Variants in TRAPPC13 observed in about 807,000 individuals in gnomAD.
The protein encoded by TRAPPC13 is REV7-interacting novel NHEJ regulator 1.
TRAPPC13 carries 39 observed loss-of-function variants against 54.0 expected under a neutral mutation model. The ratio of observed to expected loss-of-function variants is 0.72; its 90% confidence interval spans 0.56 to 0.94. TRAPPC13 has a LOEUF of 0.94. TRAPPC13 is among the 40% of genes least tolerant of loss of function. The probability of loss-of-function intolerance (pLI) is 0.00; values close to 1 mark genes in which losing one functional copy is unlikely to be tolerated. For missense variants in TRAPPC13, 386 were observed against 488.1 expected, an observed-to-expected ratio of 0.79 and a Z score of 1.97; for synonymous variants, 148 against 167.7, an observed-to-expected ratio of 0.88 and a Z score of 0.91.
At chr5:65,637,321 T>C (rs1755783927) in intron 3 of TRAPPC13, among the ~76,000 whole-genome samples, 1 of 152,216 alleles carries the variant, frequency 6.6e-6, no homozygotes, top group African/African-American at 2.4e-5. Context: ...TTCTTAGTGA[T>C]TCTCAAACAG....
At chr5:65,656,952 C>A (rs1468217260) in intron 8 of TRAPPC13, among the ~76,000 whole-genome samples, 1 of 152,080 alleles carries the variant, frequency 6.6e-6, no homozygotes, top group African/African-American at 2.4e-5. Flanking sequence ...GTGGCACTGC[C>A]TGTAGTCCCA....
chr5:65,659,275 T>A (rs959284699), intron 9 of TRAPPC13, among the ~76,000 whole-genome samples: 37 of 152,228 alleles, frequency 2.4e-4, no homozygotes, highest in African/African-American at 7.5e-4. Context: ...GACAAATATA[T>A]AACATGTATC....
intron 4 of TRAPPC13, among the ~76,000 whole-genome samples, chr5:65,639,878 G>A (rs1470205019): frequency 6.6e-6 from 1 of 152,218 alleles, no homozygotes; most frequent in Non-Finnish European, 1.5e-5. Context: ...CTCACAGTAT[G>A]TGGGGGAGAG....
intron 5 of TRAPPC13, among the ~76,000 whole-genome samples, chr5:65,650,260 C>T (rs557543121): frequency 8.2e-5 from 12 of 145,912 alleles, no homozygotes; most frequent in Admixed American, 1.4e-4. Context: ...CTCCTGGGTT[C>T]AAGCGATTCT....
intron 3 of TRAPPC13, 66 bp from the exon 4 acceptor site, chr5:65,637,630 C>CAA (rs374091978): frequency 0.02 from 13,412 of 677,886 alleles, 3 homozygotes; most frequent in South Asian, 0.025. Flanking sequence ...GACTCTGTCT[C>CAA]AAAAAAAAAA....
chr5:65,658,307 TG>T, intron 8 of TRAPPC13, 60 bp from the exon 9 acceptor site: 1 of 1,471,036 alleles, frequency 6.8e-7, no homozygotes, highest in Non-Finnish European at 9.1e-7. Context: ...AAGATATTTT[TG>T]TTGAGATAAA....
In TRAPPC13 at chr5:65,665,983, G is replaced by C. The variant is rs528810648; in HGVS notation, c.*1372G>C. 1 of 152,650 alleles carries C rather than the reference G, an allele frequency of 6.6e-6. No homozygotes were observed. Among genetic ancestry groups the C allele is most frequent in the South Asian group, 2.1e-4 (1 of 4,828 alleles). 9.5% of individuals were successfully genotyped at this position (152,650 alleles called of 1,614,324 possible). Reference sequence around the variant, plus strand: ...CATAACAAATTGTTTGGTCCAAAATGAAAGCTATATTCAGAAGGTTTGCAC... The same window carrying C: ...CATAACAAATTGTTTGGTCCAAAATCAAAGCTATATTCAGAAGGTTTGCAC... On this transcript the variant is annotated 3_prime_UTR_variant, in exon 13 of 13. Coordinates refer to ENST00000399438, the MANE Select transcript of TRAPPC13 (RefSeq NM_024941.4).
At chr5:65,660,919 C>A in intron 10 of TRAPPC13, 22 bp downstream of exon 10, 1 of 1,585,808 alleles carries the variant, frequency 6.3e-7, no homozygotes, top group South Asian at 1.2e-5. Context: ...AAAAACTTCG[C>A]TGGGGTTTTG....
intron 4 of TRAPPC13, among the ~76,000 whole-genome samples, chr5:65,645,206 A>T (rs1756138989): frequency 6.6e-6 from 1 of 151,792 alleles, no homozygotes. Context: ...CTCAAAAAAA[A>T]AAAAAAAAGA....
At chr5:65,661,444 TC>T (rs1756849360) in intron 10 of TRAPPC13, 1 of 152,338 alleles carries the variant, frequency 6.6e-6, no homozygotes, top group South Asian at 2.1e-4. Flanking sequence ...AGGATTCTCC[TC>T]CCTTTATGCT....
At chr5:65,630,701 T>TTC (rs1388844455) in intron 1 of TRAPPC13, 3 of 988,168 alleles carry the variant, frequency 3.0e-6, no homozygotes, top group Non-Finnish European at 3.6e-6. Flanking sequence ...CTCGAAACAA[T>TTC]TCTCTTTGGA....
Position 65,640,940 on chromosome 5 carries a change from CTT to C in TRAPPC13, c.300+3170_300+3171del, listed in dbSNP as rs5868413. On this transcript the variant is annotated intron_variant, in intron 4 of 12. Transcript: ENST00000399438. ...AATAATGCTATTTTTCTTTTTCTTT[CTT>C]TTTTTTTTTGAGAGAGGATCTAGCT... is the stretch of plus-strand genomic sequence containing the variant. Among the ~76,000 whole-genome samples the C allele has an allele frequency of 7.8e-4, 115 of 147,134 alleles. 1 individual carries two copies. The highest frequency in any genetic ancestry group is 1.3e-3 in the Non-Finnish European group (90 of 66,826).
Position 65,664,585 on chromosome 5 carries a change from T to A in TRAPPC13, c.1228T>A (p.Ser410Thr), listed in dbSNP as rs759396351. 3.7e-6 allele frequency: 6 copies of A among 1,612,812 alleles called. No individual in the cohort carries two copies. In the South Asian group the frequency reaches 5.5e-5, roughly 15 times the overall value. ...TGACATCGCACAAGTCTGTGTGGTA[T>A]CTTCTGCCATTAAAGTGGAAAGCTG... Reference protein sequence around the residue: ...YDDIAQVCVVSSAIKVES With the variant: ...YDDIAQVCVVTSAIKVES The change falls in exon 13 of 13, where the codon TCT (serine) becomes ACT (threonine). Residue 410 changes from serine (S) to threonine (T), a missense_variant. Transcript: ENST00000399438.
intron 2 of TRAPPC13, among the ~76,000 whole-genome samples, chr5:65,635,670 A>G (rs1281095673): frequency 2.0e-5 from 3 of 151,520 alleles, no homozygotes; most frequent in Non-Finnish European, 2.9e-5. Flanking sequence ...ATGTATTAGC[A>G]TTCCCTTTTT....
intron 1 of TRAPPC13, among the ~76,000 whole-genome samples, chr5:65,634,196 AG>A (rs1395800829): frequency 6.6e-6 from 1 of 151,952 alleles, no homozygotes; most frequent in Non-Finnish European, 1.5e-5. Flanking sequence ...CGTGTTAGCC[AG>A]GATAGTCTCA....
At chr5:65,630,282 C>T (rs1458321297) in intron 1 of TRAPPC13, 3 of 1,532,832 alleles carry the variant, frequency 2.0e-6, no homozygotes, top group Admixed American at 2.0e-5. Context: ...GGAAGATTAG[C>T]TCTTACTGGA....
intron 6 of TRAPPC13, among the ~76,000 whole-genome samples, chr5:65,651,203 T>C (rs1184554875): frequency 1.3e-5 from 2 of 152,264 alleles, no homozygotes; most frequent in East Asian, 3.9e-4. Context: ...GGAGGATCAC[T>C]TGAGGCCAGT....
At chr5:65,630,245 T>G (rs1244898027) in intron 1 of TRAPPC13, 4 of 1,535,840 alleles carry the variant, frequency 2.6e-6, no homozygotes, top group African/African-American at 1.4e-5. Context: ...TATTATGTAT[T>G]GTGAATATGT....
At chr5:65,646,398 A>G (rs989632494) in intron 4 of TRAPPC13, among the ~76,000 whole-genome samples, 5 of 152,186 alleles carry the variant, frequency 3.3e-5, no homozygotes, top group African/African-American at 9.7e-5. Flanking sequence ...AGTGTTATAT[A>G]CTAGCACATA....
Sources: allele counts gnomAD v4.1 joint callset (sites outside exome capture counted in the v4.1 genomes callset), GRCh38; gene constraint gnomAD v4.1.1; transcripts MANE v1.5; gene names NCBI Gene and HGNC (gene_info 2026-07-23, HGNC 2026-07-21).